The following UGT8 variants were observed in gnomAD, a reference collection of about 807,000 sequenced individuals.
UGT8 encodes the protein UDP glycosyltransferase 8, also known as 2-hydroxyacylsphingosine 1-beta-galactosyltransferase.
In UGT8, 12 loss-of-function variants were observed where a neutral mutation model predicts 40.5. That is an observed-to-expected ratio of 0.30 (90% confidence interval 0.19 to 0.48). The LOEUF (loss-of-function observed/expected upper bound fraction) is 0.48. Among genes scored for constraint, UGT8 ranks in the 20% least tolerant of loss-of-function variants. The probability of loss-of-function intolerance (pLI) is 0.99; values close to 1 mark genes in which losing one functional copy is unlikely to be tolerated. For missense variants in UGT8, 513 were observed against 648.7 expected (o/e 0.79, Z 2.27); for synonymous variants, 224 against 240.4 (o/e 0.93, Z 0.63).
At chr4:114,600,841 T>TAGAA (rs1214415228) in intron 1 of UGT8, among the ~76,000 whole-genome samples, 2 of 152,212 alleles carry the variant, frequency 1.3e-5, no homozygotes, top group East Asian at 3.8e-4. Context: ...GGAATGTGTC[T>TAGAA]GTGTTCAGCA....
chr4:114,644,368 G>T (rs1235808209), intron 2 of UGT8, among the ~76,000 whole-genome samples: 1 of 152,122 alleles, frequency 6.6e-6, no homozygotes, highest in Non-Finnish European at 1.5e-5. Flanking sequence ...CTCATTTTAT[G>T]CCTCACAGTT....
intron 5 of UGT8, among the ~76,000 whole-genome samples, chr4:114,673,144 A>G (rs1190739438): frequency 7.2e-6 from 1 of 138,304 alleles, no homozygotes; most frequent in East Asian, 2.2e-4. Context: ...CTCTTGGAAT[A>G]ACTTAGAGGT....
At chr4:114,626,409 C>T (rs559214322) in intron 2 of UGT8, among the ~76,000 whole-genome samples, 2 of 152,254 alleles carry the variant, frequency 1.3e-5, no homozygotes, top group South Asian at 4.2e-4. Flanking sequence ...TTACACTGGG[C>T]ATAGATTAGG....
intron 2 of UGT8, among the ~76,000 whole-genome samples, chr4:114,663,113 A>G (rs968323877): frequency 1.3e-5 from 2 of 151,916 alleles, no homozygotes; most frequent in African/African-American, 4.8e-5. Flanking sequence ...GTGAGCCACC[A>G]TGCCTGGCCG....
In UGT8 at chr4:114,622,989, A is replaced by C; in HGVS notation, c.109A>C (p.Ile37Leu). 1 of 1,613,890 alleles carries C rather than the reference A, an allele frequency of 6.2e-7. No individual in the cohort carries two copies. The highest frequency in any genetic ancestry group is 8.5e-7 in the Non-Finnish European group (1 of 1,179,974). Residue 37 changes from isoleucine (I) to leucine (L), a missense_variant, in exon 2 of 6, where the codon ATT becomes CTT. By Grantham distance (5) the Ile-to-Leu change is conservative. Transcript: ENST00000310836. Reference sequence around the variant, plus strand: ...AATTATGTTTGAAAGCCATATGTACATTTTCAAGACGCTAGCCTCAGCCTT... The same window carrying C: ...AATTATGTTTGAAAGCCATATGTACCTTTTCAAGACGCTAGCCTCAGCCTT... ...PPIMFESHMYIFKTLASALHE... is the reference protein window; with the variant it reads ...PPIMFESHMYLFKTLASALHE...
At position 114,602,514 on chromosome 4, in the gene UGT8, A is replaced by G. The variant is rs144330809; in HGVS notation, c.-3+3540A>G. Among the ~76,000 whole-genome samples the G allele has an allele frequency of 3.7e-4, 56 of 152,366 alleles. No individual in the cohort carries two copies. The East Asian group carries it at 9.1e-3, about 25-fold the overall frequency. On this transcript the variant is annotated intron_variant, in intron 1 of 5. Coordinates refer to ENST00000310836, the MANE Select transcript of UGT8 (RefSeq NM_001128174.3). Reference sequence around the variant, plus strand: ...TAATCATATCTCCTTAATCTGAAGCATTTCACAAACATTCATTCTTTTATT... The same window carrying G: ...TAATCATATCTCCTTAATCTGAAGCGTTTCACAAACATTCATTCTTTTATT...
chr4:114,659,273 A>G (rs1428298665), intron 2 of UGT8, among the ~76,000 whole-genome samples: 1 of 152,250 alleles, frequency 6.6e-6, no homozygotes, highest in African/African-American at 2.4e-5. Context: ...TTAATCCTAC[A>G]AGAAGATAAA....
At chr4:114,617,272 A>G (rs1377178203) in intron 1 of UGT8, among the ~76,000 whole-genome samples, 2 of 152,112 alleles carry the variant, frequency 1.3e-5, no homozygotes, top group Non-Finnish European at 2.9e-5. Context: ...CAAACAGACA[A>G]ACCCTTCCTT....
chr4:114,599,954 C>T (rs145026284), intron 1 of UGT8, among the ~76,000 whole-genome samples: 1 of 152,220 alleles, frequency 6.6e-6, no homozygotes, highest in East Asian at 1.9e-4. Flanking sequence ...GGTAAACCTG[C>T]CATTGTGCAG....
intron 2 of UGT8, among the ~76,000 whole-genome samples, chr4:114,639,202 T>A (rs759334897): frequency 6.6e-6 from 1 of 152,210 alleles, no homozygotes; most frequent in Non-Finnish European, 1.5e-5. Flanking sequence ...AATAGCAGTC[T>A]CTGACTCTCT....
intron 3 of UGT8, among the ~76,000 whole-genome samples, chr4:114,664,619 T>G (rs1734741049): frequency 6.6e-6 from 1 of 152,220 alleles, no homozygotes; most frequent in Non-Finnish European, 1.5e-5. Flanking sequence ...TTAAGAAACC[T>G]GGCCTTTAAA....
At position 114,607,192 on chromosome 4, in the gene UGT8, C is replaced by A. The variant is rs117774669; in HGVS notation, c.-3+8218C>A. On this transcript the variant is annotated intron_variant, in intron 1 of 5. Coordinates refer to ENST00000310836, the MANE Select transcript of UGT8 (RefSeq NM_001128174.3). ...TTTACAGCTCATAACTTGGTAGAGT[C>A]CCAAGTAACCTTTGGAAGTCAAAAT... Among the ~76,000 whole-genome samples the A allele has an allele frequency of 1.8e-4, 28 of 152,214 alleles. No homozygotes were observed. In the East Asian group the frequency reaches 5.0e-3, roughly 27 times the overall value.
At chr4:114,657,001 A>G in intron 2 of UGT8, 1 of 301,762 alleles carries the variant, frequency 3.3e-6, no homozygotes, top group Non-Finnish European at 6.4e-6. Flanking sequence ...AGTGACCCAG[A>G]AATTAGGTGG....
At chr4:114,611,941 A>G (rs1028292354) in intron 1 of UGT8, among the ~76,000 whole-genome samples, 4 of 152,134 alleles carry the variant, frequency 2.6e-5, no homozygotes. Flanking sequence ...CAGGCCCCAC[A>G]TGTGTGTTTG....
intron 2 of UGT8, among the ~76,000 whole-genome samples, chr4:114,650,918 T>C (rs1369943287): frequency 6.6e-6 from 1 of 151,930 alleles, no homozygotes; most frequent in Non-Finnish European, 1.5e-5. Flanking sequence ...TCATAGAACA[T>C]GTCATTTCCG....
At chr4:114,643,383 G>A (rs1406862894) in intron 2 of UGT8, among the ~76,000 whole-genome samples, 1 of 152,112 alleles carries the variant, frequency 6.6e-6, no homozygotes, top group Non-Finnish European at 1.5e-5. Context: ...ATAGCACCGA[G>A]CCATATAGTA....
At chr4:114,632,350 C>T (rs763042883) in intron 2 of UGT8, among the ~76,000 whole-genome samples, 9 of 152,152 alleles carry the variant, frequency 5.9e-5, no homozygotes, top group Non-Finnish European at 1.2e-4. Context: ...TGGTCATTTA[C>T]ATATAGTATT....
At chr4:114,599,925 G>T (rs1378250529) in intron 1 of UGT8, among the ~76,000 whole-genome samples, 1 of 152,074 alleles carries the variant, frequency 6.6e-6, no homozygotes, top group Non-Finnish European at 1.5e-5. Context: ...TTTAATTGAG[G>T]GTTTATAAAA....
chr4:114,651,484 A>G (rs1017643958), intron 2 of UGT8, among the ~76,000 whole-genome samples: 6 of 152,148 alleles, frequency 3.9e-5, no homozygotes, highest in Non-Finnish European at 7.4e-5. Flanking sequence ...ATTAAAAGCA[A>G]GAACAAACTA....
Sources: gnomAD v4.1 joint callset for allele counts (sites outside exome capture counted in the v4.1 genomes callset) on GRCh38, gnomAD v4.1.1 for gene constraint, MANE v1.5 for transcripts, NCBI Gene and HGNC (gene_info 2026-07-23, HGNC 2026-07-21) for gene names.